Variants in PTPRD observed in about 807,000 individuals in gnomAD.
PTPRD encodes the protein receptor-type tyrosine-protein phosphatase delta.
A neutral mutation model predicts 214.5 loss-of-function variants in PTPRD; 34 were observed. The observed-to-expected ratio is 0.16, with a 90% CI of 0.12 to 0.21. The LOEUF is 0.21. Ranked by LOEUF, PTPRD falls within the 10% of genes least tolerant of loss-of-function variation. PTPRD has a pLI of 1.00. For synonymous variants in PTPRD, 1,128 were observed against 845.7 expected (o/e 1.33, Z -5.79); for missense variants, 2,545 against 2,398.7 (o/e 1.06, Z -1.27).
chr9:8,426,764 C>T (rs185389957), intron 35 of PTPRD, among the ~76,000 whole-genome samples: 4 of 146,064 alleles, frequency 2.7e-5, no homozygotes, highest in Admixed American at 6.9e-5. Context: ...ATGAAAGATA[C>T]GAAGTTTAAT....
chr9:10,573,715 T>A (rs368354362), intron 2 of PTPRD, among the ~76,000 whole-genome samples: 1 of 152,118 alleles, frequency 6.6e-6, no homozygotes, highest in African/African-American at 2.4e-5. Context: ...AAATAGTATT[T>A]GTATCTCAAG....
At chr9:8,793,422 C>T (rs1156436905) in intron 11 of PTPRD, among the ~76,000 whole-genome samples, 1 of 152,202 alleles carries the variant, frequency 6.6e-6, no homozygotes, top group East Asian at 1.9e-4. Flanking sequence ...CTTCAGATGA[C>T]TGCAGCCCCA....
At chr9:8,437,320 T>C (rs549014302) in intron 34 of PTPRD, 9 of 1,161,362 alleles carry the variant, frequency 7.7e-6, no homozygotes, top group Non-Finnish European at 9.6e-6. Context: ...CCTGATATAT[T>C]TTTTAAAAGG....
chr9:9,979,869 G>A (rs951125402), intron 4 of PTPRD, among the ~76,000 whole-genome samples: 1 of 152,150 alleles, frequency 6.6e-6, no homozygotes, highest in Non-Finnish European at 1.5e-5. Context: ...ACATATCAGA[G>A]ATTGGGCACA....
chr9:10,253,647 C>T (rs188495433), intron 3 of PTPRD, among the ~76,000 whole-genome samples: 133 of 152,060 alleles, frequency 8.7e-4, no homozygotes, highest in Non-Finnish European at 1.5e-3. Flanking sequence ...ATCTGTTGGA[C>T]GAAGGAAGAA....
At chr9:9,652,559 C>T (rs958588934) in intron 7 of PTPRD, among the ~76,000 whole-genome samples, 1 of 151,706 alleles carries the variant, frequency 6.6e-6, no homozygotes, top group African/African-American at 2.4e-5. Context: ...TCCTTCAGGA[C>T]AAATTCAAGG....
At position 10,386,574 on chromosome 9, in the gene PTPRD, C is replaced by A. The variant is rs772995095; in HGVS notation, c.-599-45557G>T. On this transcript the variant is annotated intron_variant, in intron 2 of 45. Transcript: ENST00000381196. ...AGACACTTTTCTGTCTCTGGTTGAA[C>A]CTGAATTTAGGAGGTTGTAGACCAT... Among the ~76,000 whole-genome samples the A allele has an allele frequency of 5.3e-5, 8 of 151,768 alleles. No homozygotes were observed. The East Asian group carries it at 1.2e-3, about 22-fold the overall frequency.
In PTPRD at chr9:10,496,769, T is replaced by C. The variant is rs186269776; in HGVS notation, c.-600+115629A>G. On this transcript the variant is annotated intron_variant, in intron 2 of 45. Coordinates refer to ENST00000381196, the MANE Select transcript of PTPRD (RefSeq NM_002839.4). Reference sequence around the variant, plus strand: ...TGTATATCTTCTTTTGAGAGGTGTGTGTTCAGGTACTTTGCCCACACTTTA... The same window carrying C: ...TGTATATCTTCTTTTGAGAGGTGTGCGTTCAGGTACTTTGCCCACACTTTA... Among the ~76,000 whole-genome samples the C allele has an allele frequency of 1.7e-3, 253 of 152,250 alleles. 1 individual carries two copies. Among genetic ancestry groups the C allele is most frequent in the African/African-American group, 5.8e-3 (241 of 41,560 alleles).
intron 5 of PTPRD, among the ~76,000 whole-genome samples, chr9:9,911,943 C>A (rs116572072): frequency 0.011 from 1,631 of 152,112 alleles, 25 homozygotes; most frequent in African/African-American, 0.037. Flanking sequence ...TGTTATGGAA[C>A]CAGCTTATAC....
intron 7 of PTPRD, among the ~76,000 whole-genome samples, chr9:9,732,441 G>A (rs942273537): frequency 6.6e-6 from 1 of 152,058 alleles, no homozygotes; most frequent in Non-Finnish European, 1.5e-5. Flanking sequence ...TTAGAAGATA[G>A]AAGACCACCC....
intron 2 of PTPRD, among the ~76,000 whole-genome samples, chr9:10,367,339 T>C (rs987081127): frequency 5.9e-5 from 9 of 152,108 alleles, no homozygotes; most frequent in African/African-American, 1.7e-4. Flanking sequence ...GCTCAAGTCA[T>C]CTTGACCTTT....
chr9:9,686,753 A>G (rs536360130), intron 7 of PTPRD, among the ~76,000 whole-genome samples: 1 of 151,806 alleles, frequency 6.6e-6, no homozygotes, highest in Non-Finnish European at 1.5e-5. Flanking sequence ...CAGGTAATAC[A>G]TTGTGTACAT....
intron 10 of PTPRD, among the ~76,000 whole-genome samples, chr9:9,078,650 T>TC (rs1215415649): frequency 6.6e-6 from 1 of 151,814 alleles, no homozygotes; most frequent in Non-Finnish European, 1.5e-5. Flanking sequence ...AGAAGGTTTT[T>TC]TTTACTGGGG....
chr9:9,991,547 G>C (rs2095923570), intron 4 of PTPRD, among the ~76,000 whole-genome samples: 1 of 151,622 alleles, frequency 6.6e-6, no homozygotes, highest in Non-Finnish European at 1.5e-5. Context: ...TTTTAGTAGA[G>C]ATGGGGTTTC....
intron 5 of PTPRD, among the ~76,000 whole-genome samples, chr9:9,782,484 ATT>A (rs1355863309): frequency 6.6e-6 from 1 of 152,182 alleles, no homozygotes; most frequent in Non-Finnish European, 1.5e-5. Flanking sequence ...TTACCAACTG[ATT>A]AACTGAGGAA....
chr9:9,464,654 T>C (rs1169424114), intron 8 of PTPRD, among the ~76,000 whole-genome samples: 2 of 152,304 alleles, frequency 1.3e-5, no homozygotes, highest in South Asian at 2.1e-4. Flanking sequence ...GGAGAGTCTA[T>C]CAAATTCCAT....
chr9:9,371,318 ACTT>A (rs1393444524), intron 9 of PTPRD, among the ~76,000 whole-genome samples: 2 of 152,090 alleles, frequency 1.3e-5, no homozygotes, highest in East Asian at 3.9e-4. Flanking sequence ...CAGAGATTCA[ACTT>A]CTTCCTGGTT....
chr9:10,089,568 G>A (rs60188600), intron 3 of PTPRD, among the ~76,000 whole-genome samples: 3,039 of 151,674 alleles, frequency 0.02, 97 homozygotes, highest in African/African-American at 0.068. Flanking sequence ...AAGATTTGCT[G>A]TGATTTCATG....
intron 4 of PTPRD, among the ~76,000 whole-genome samples, chr9:10,018,827 G>T (rs2096782936): frequency 6.6e-6 from 1 of 151,962 alleles, no homozygotes; most frequent in African/African-American, 2.4e-5. Flanking sequence ...GGGATTACAG[G>T]CGTGAGCCAC....
Sources: gnomAD v4.1 joint callset for allele counts (sites outside exome capture counted in the v4.1 genomes callset) on GRCh38, gnomAD v4.1.1 for gene constraint, MANE v1.5 for transcripts, NCBI Gene and HGNC (gene_info 2026-07-23, HGNC 2026-07-21) for gene names.